ADAM22: variants seen among roughly 807,000 people sequenced by gnomAD.
The protein encoded by ADAM22 is ADAM metallopeptidase domain 22.
ADAM22 carries 65 observed loss-of-function variants against 144.6 expected under a neutral mutation model. The ratio of observed to expected loss-of-function variants is 0.45; its 90% CI spans 0.37 to 0.55. The LOEUF is 0.55. Ranked by LOEUF, ADAM22 falls within the 20% of genes least tolerant of loss-of-function variation. The pLI is 0.00. For missense variants in ADAM22, 974 were observed against 1,184.9 expected, an observed-to-expected ratio of 0.82 and a Z score of 2.61; for synonymous variants, 391 against 412.6, an observed-to-expected ratio of 0.95 and a Z score of 0.63.
intron 4 of ADAM22, among the ~76,000 whole-genome samples, chr7:88,088,932 A>G (rs2129484474): frequency 6.6e-6 from 1 of 152,046 alleles, no homozygotes; most frequent in Middle Eastern, 3.4e-3. Context: ...GTTATAGTTT[A>G]GTGACTGCAT....
intron 7 of ADAM22, among the ~76,000 whole-genome samples, chr7:88,125,090 G>A (rs1213712926): frequency 6.6e-6 from 1 of 151,948 alleles, no homozygotes; most frequent in Non-Finnish European, 1.5e-5. Context: ...GCTACCAAGA[G>A]CAGATAAATC....
At position 88,076,659 on chromosome 7, in the gene ADAM22, A is replaced by C. The variant is rs551401496; in HGVS notation, c.390+967A>C. 3.2e-4 allele frequency among the ~76,000 whole-genome samples: 49 copies of C among 152,262 alleles called. No individual in the cohort carries two copies. In the South Asian group the frequency reaches 0.01, roughly 32 times the overall value. On this transcript the variant is annotated intron_variant, in intron 4 of 31. Coordinates refer to ENST00000413139, the MANE Select transcript of ADAM22 (RefSeq NM_001324418.2). The stretch of plus-strand genomic sequence containing the variant: ...TGTGAAAATATTAACACAAAAATAA[A>C]AGCCTCCACCAGCTAGAGGCATAAG...
At chr7:88,048,676 A>G (rs190617482) in intron 3 of ADAM22, among the ~76,000 whole-genome samples, 3 of 152,098 alleles carry the variant, frequency 2.0e-5, no homozygotes, top group Non-Finnish European at 2.9e-5. Context: ...TTATTAATTT[A>G]TACATTAATA....
rs552300705 is a variant in ADAM22 at position 88,010,165 on chromosome 7, A to C, written c.323+31753A>C. Among the ~76,000 whole-genome samples the C allele has an allele frequency of 8.5e-5, 13 of 152,298 alleles. No homozygotes were observed. The South Asian group carries it at 2.7e-3, about 32-fold the overall frequency. On this transcript the variant is annotated intron_variant, in intron 3 of 31. Transcript: ENST00000413139. ...TACTTCTGGCTATGTTTCACTTGGAACAGATCACCTAAAGAACCGTGAAAG... is the reference window on the plus strand; with the variant it reads ...TACTTCTGGCTATGTTTCACTTGGACCAGATCACCTAAAGAACCGTGAAAG...
intron 4 of ADAM22, among the ~76,000 whole-genome samples, chr7:88,077,230 A>G (rs1814826326): frequency 6.6e-6 from 1 of 152,238 alleles, no homozygotes; most frequent in Admixed American, 6.5e-5. Context: ...AATAAATTAT[A>G]TTGTCCTATT....
chr7:88,110,465 A>C (rs1432630575), intron 5 of ADAM22, among the ~76,000 whole-genome samples: 1 of 152,038 alleles, frequency 6.6e-6, no homozygotes, highest in Admixed American at 6.5e-5. Flanking sequence ...TGTGAGAATC[A>C]GAGAGAAGAT....
At chr7:88,008,032 C>T (rs941798096) in intron 3 of ADAM22, among the ~76,000 whole-genome samples, 67 of 152,036 alleles carry the variant, frequency 4.4e-4, no homozygotes, top group Non-Finnish European at 7.8e-4. Context: ...GAATCTACAA[C>T]GAACTCAAAC....
At chr7:88,029,312 T>C (rs1799711545) in intron 3 of ADAM22, among the ~76,000 whole-genome samples, 1 of 152,164 alleles carries the variant, frequency 6.6e-6, no homozygotes, top group African/African-American at 2.4e-5. Context: ...TTTAAACTGA[T>C]GCCAACTTAA....
At chr7:87,937,124 TA>T (rs1455568861) in intron 2 of ADAM22, among the ~76,000 whole-genome samples, 2 of 152,108 alleles carry the variant, frequency 1.3e-5, no homozygotes, top group Non-Finnish European at 2.9e-5. Context: ...TCTGGCTAAT[TA>T]AAAATTTGTT....
chr7:88,106,109 A>G lies in ADAM22; in HGVS notation c.391-2067A>G, dbSNP rs566439156. On this transcript the variant is annotated intron_variant, in intron 4 of 31. Coordinates refer to ENST00000413139, the MANE Select transcript of ADAM22 (RefSeq NM_001324418.2). ...CATCTACACTACACTGGTGCTCCAC[A>G]TGAAGTCAGTGCCCCATGTTCTAGT... is the stretch of plus-strand genomic sequence containing the variant. Among the ~76,000 whole-genome samples the G allele has an allele frequency of 5.3e-5, 8 of 152,288 alleles. No homozygotes were observed. The East Asian group carries it at 1.5e-3, about 29-fold the overall frequency.
chr7:87,952,874 G>A (rs1017536104), intron 2 of ADAM22, among the ~76,000 whole-genome samples: 4 of 152,078 alleles, frequency 2.6e-5, no homozygotes, highest in African/African-American at 9.7e-5. Flanking sequence ...GTCTTGGGAG[G>A]GTGTATGTGT....
intron 22 of ADAM22, among the ~76,000 whole-genome samples, chr7:88,157,140 T>C (rs1310843138): frequency 6.6e-6 from 1 of 151,938 alleles, no homozygotes; most frequent in African/African-American, 2.4e-5. Flanking sequence ...CACATTAGGA[T>C]AGCAATAACA....
At chr7:88,192,425 A>G (rs374538676) in intron 30 of ADAM22, among the ~76,000 whole-genome samples, 1 of 152,236 alleles carries the variant, frequency 6.6e-6, no homozygotes, top group East Asian at 1.9e-4. Context: ...CACATGCAAA[A>G]TCAATCAAGT....
At chr7:87,959,963 CTTCTCTT>C (rs1847669999) in intron 2 of ADAM22, among the ~76,000 whole-genome samples, 1 of 151,912 alleles carries the variant, frequency 6.6e-6, no homozygotes, top group African/African-American at 2.4e-5. Flanking sequence ...TGTTTGGACT[CTTCTCTT>C]TTAATTATTG....
intron 2 of ADAM22, among the ~76,000 whole-genome samples, chr7:87,939,702 T>A (rs1033194287): frequency 3.3e-5 from 5 of 152,204 alleles, no homozygotes; most frequent in African/African-American, 1.2e-4. Context: ...TTCAGGCTGC[T>A]TGAGTACTAT....
chr7:88,094,298 AATG>A (rs1311069653), intron 4 of ADAM22, among the ~76,000 whole-genome samples: 1 of 152,176 alleles, frequency 6.6e-6, no homozygotes, highest in Admixed American at 6.5e-5. Flanking sequence ...TTCTTGAGGA[AATG>A]ATATTATTTC....
At chr7:88,126,341 G>C (rs1327269758) in intron 8 of ADAM22, among the ~76,000 whole-genome samples, 1 of 152,004 alleles carries the variant, frequency 6.6e-6, no homozygotes, top group Non-Finnish European at 1.5e-5. Context: ...CCACTGTGGT[G>C]GTGTGGGCAG....
intron 3 of ADAM22, among the ~76,000 whole-genome samples, chr7:88,048,135 C>T (rs932897731): frequency 3.3e-5 from 5 of 151,956 alleles, no homozygotes; most frequent in African/African-American, 7.2e-5. Context: ...TTGTGCTGAT[C>T]GGCAGCCTAC....
intron 2 of ADAM22, among the ~76,000 whole-genome samples, chr7:87,972,873 G>A (rs572150338): frequency 5.9e-5 from 9 of 152,258 alleles, no homozygotes; most frequent in Non-Finnish European, 1.0e-4. Flanking sequence ...ATGGTGCTGG[G>A]AAAACTGGCT....
Sources: allele counts gnomAD v4.1 joint callset (sites outside exome capture counted in the v4.1 genomes callset), GRCh38; gene constraint gnomAD v4.1.1; transcripts MANE v1.5; gene names NCBI Gene and HGNC (gene_info 2026-07-23, HGNC 2026-07-21).